The following GHR variants were observed in gnomAD, a reference collection of about 807,000 sequenced individuals.
The protein encoded by GHR is GH receptor.
In GHR, 35 loss-of-function variants were observed where a neutral mutation model predicts 67.1. That is an observed-to-expected ratio of 0.52 (90% CI 0.40 to 0.69). The LOEUF is 0.69. GHR is among the 30% of genes least tolerant of loss of function. The pLI, the probability that GHR is intolerant of heterozygous loss-of-function variation, is 0.00. For synonymous variants in GHR, 272 were observed against 269.1 expected, an observed-to-expected ratio of 1.01 and a Z score of -0.10; for missense variants, 792 against 764.6, an observed-to-expected ratio of 1.04 and a Z score of -0.42.
chr5:42,655,909 GAAAAGT>G (rs1755232109), intron 3 of GHR, among the ~76,000 whole-genome samples: 1 of 152,086 alleles, frequency 6.6e-6, no homozygotes, highest in Non-Finnish European at 1.5e-5. Context: ...CTAGGGTTAA[GAAAAGT>G]ATTAGCCCAG....
intron 1 of GHR, among the ~76,000 whole-genome samples, chr5:42,438,657 G>A (rs1229051697): frequency 6.6e-6 from 1 of 152,126 alleles, no homozygotes; most frequent in Non-Finnish European, 1.5e-5. Flanking sequence ...GAGGACCTGA[G>A]GCCCTCAGAC....
intron 1 of GHR, among the ~76,000 whole-genome samples, chr5:42,524,473 G>A (rs1747616042): frequency 6.6e-6 from 1 of 152,204 alleles, no homozygotes; most frequent in South Asian, 2.1e-4. Flanking sequence ...ATGCTTGGGT[G>A]CCATTAAAAG....
At chr5:42,454,414 G>A (rs1188967963) in intron 1 of GHR, among the ~76,000 whole-genome samples, 7 of 152,206 alleles carry the variant, frequency 4.6e-5, no homozygotes, top group Admixed American at 3.9e-4. Context: ...GAGTTGGTTG[G>A]CCTCCAGCCA....
chr5:42,543,910 AT>A (rs201322817), intron 1 of GHR, among the ~76,000 whole-genome samples: 146 of 150,584 alleles, frequency 9.7e-4, no homozygotes, highest in Middle Eastern at 3.4e-3. Flanking sequence ...ACTACTCTCA[AT>A]TTTTTTTTTA....
At chr5:42,636,197 G>A (rs568508616) in intron 3 of GHR, among the ~76,000 whole-genome samples, 128 of 126,516 alleles carry the variant, frequency 1.0e-3, no homozygotes, top group Non-Finnish European at 1.6e-3. Context: ...GCGACAGAGC[G>A]AGACCCCGTT....
intron 1 of GHR, among the ~76,000 whole-genome samples, chr5:42,534,739 C>G (rs780826487): frequency 3.9e-5 from 6 of 152,044 alleles, no homozygotes; most frequent in Non-Finnish European, 8.8e-5. Flanking sequence ...TCTCCACGCT[C>G]TTTTCCATAG....
intron 1 of GHR, among the ~76,000 whole-genome samples, chr5:42,433,116 G>A (rs1743166137): frequency 6.6e-6 from 1 of 152,184 alleles, no homozygotes; most frequent in South Asian, 2.1e-4. Context: ...TTTAGTACTT[G>A]GAGCAAGATG....
At chr5:42,428,872 A>G (rs1430672869) in intron 1 of GHR, among the ~76,000 whole-genome samples, 1 of 152,154 alleles carries the variant, frequency 6.6e-6, no homozygotes, top group Admixed American at 6.5e-5. Flanking sequence ...ACTTTCCCAC[A>G]TCTTCCTGTT....
intron 2 of GHR, among the ~76,000 whole-genome samples, chr5:42,580,981 A>C (rs1751136308): frequency 1.3e-5 from 2 of 152,196 alleles, no homozygotes; most frequent in African/African-American, 4.8e-5. Flanking sequence ...CTTGAAAATT[A>C]CCACTGAGTA....
intron 1 of GHR, among the ~76,000 whole-genome samples, chr5:42,515,495 GTGT>G (rs1298579538): frequency 1.3e-5 from 2 of 152,210 alleles, no homozygotes; most frequent in Admixed American, 1.3e-4. Flanking sequence ...AGGCACCAAG[GTGT>G]TGTTCTAGAG....
chr5:42,472,888 A>G (rs1745073217), intron 1 of GHR, among the ~76,000 whole-genome samples: 1 of 152,168 alleles, frequency 6.6e-6, no homozygotes, highest in Non-Finnish European at 1.5e-5. Context: ...CTGTTACTCT[A>G]TGATTTCATG....
chr5:42,687,493 T>G (rs1156908139), intron 3 of GHR, among the ~76,000 whole-genome samples: 1 of 152,212 alleles, frequency 6.6e-6, no homozygotes, highest in Non-Finnish European at 1.5e-5. Flanking sequence ...TTTTATCAAC[T>G]TGTTCATTTC....
intron 2 of GHR, among the ~76,000 whole-genome samples, chr5:42,589,934 G>A (rs989887924): frequency 1.3e-5 from 2 of 152,192 alleles, no homozygotes; most frequent in African/African-American, 4.8e-5. Flanking sequence ...CCATATGGAG[G>A]TGAAAACACT....
intron 4 of GHR, among the ~76,000 whole-genome samples, chr5:42,694,310 T>A (rs75388351): frequency 0.011 from 1,611 of 152,278 alleles, 29 homozygotes; most frequent in African/African-American, 0.037. Context: ...TCATTAAATG[T>A]CAATAGAATG....
At chr5:42,579,130 GATAGATAGATGATAGATAGAT>G (rs1579983154) in intron 2 of GHR, among the ~76,000 whole-genome samples, 18 of 55,776 alleles carry the variant, frequency 3.2e-4, no homozygotes, top group East Asian at 1.6e-3. Context: ...TAGATAGATA[GATAGATAGATGATAGATAGAT>G]ATAGATAGAT....
At chr5:42,500,453 G>T (rs557881884) in intron 1 of GHR, among the ~76,000 whole-genome samples, 1 of 152,326 alleles carries the variant, frequency 6.6e-6, no homozygotes, top group East Asian at 1.9e-4. Context: ...ATAAATACTT[G>T]TACTTACTTA....
At chr5:42,584,858 A>G (rs1210389815) in intron 2 of GHR, among the ~76,000 whole-genome samples, 1 of 152,130 alleles carries the variant, frequency 6.6e-6, no homozygotes, top group Non-Finnish European at 1.5e-5. Flanking sequence ...GATGGTAGAA[A>G]ATACAGCTCT....
intron 3 of GHR, among the ~76,000 whole-genome samples, chr5:42,632,823 C>T (rs1032493846): frequency 3.9e-5 from 6 of 152,144 alleles, no homozygotes; most frequent in Non-Finnish European, 7.4e-5. Context: ...GATATCCAAA[C>T]AACTTTTTTA....
chr5:42,703,427 A>G (rs570074083), intron 6 of GHR, among the ~76,000 whole-genome samples: 6 of 152,046 alleles, frequency 3.9e-5, no homozygotes, highest in Non-Finnish European at 7.4e-5. Context: ...TTTTTATGCC[A>G]GTACCATGCT....
Sources: allele counts gnomAD v4.1 joint callset (sites outside exome capture counted in the v4.1 genomes callset), GRCh38; gene constraint gnomAD v4.1.1; transcripts MANE v1.5; gene names NCBI Gene and HGNC (gene_info 2026-07-23, HGNC 2026-07-21).